Variants in KPNA7 observed in about 807,000 individuals in gnomAD.
KPNA7 encodes the protein importin subunit alpha-8.
A neutral mutation model predicts 53.7 loss-of-function variants in KPNA7; 54 were observed. The observed-to-expected ratio is 1.01, with a 90% confidence interval of 0.81 to 1.26. The LOEUF is 1.26. KPNA7 is among the 50% of genes most tolerant of loss of function. KPNA7 has a pLI of 0.00. For synonymous variants in KPNA7, 276 were observed against 259.3 expected, an observed-to-expected ratio of 1.06 and a Z score of -0.62; for missense variants, 640 against 644.5, an observed-to-expected ratio of 0.99 and a Z score of 0.07.
chr7:99,178,260 G>A (rs980140383), intron 9 of KPNA7, among the ~76,000 whole-genome samples, 194 bp from the exon 10 acceptor site: 3 of 152,054 alleles, frequency 2.0e-5, no homozygotes, highest in African/African-American at 7.2e-5. Flanking sequence ...AGGTATCCAC[G>A]ATATATAGAC....
chr7:99,215,557 C>T lies in KPNA7; in HGVS notation c.-23-8068G>A, dbSNP rs1294077941. On this transcript the variant is annotated intron_variant, in intron 1 of 10. Coordinates refer to the KPNA7 transcript ENST00000681060. ...GCAGATCACTTCGTGTAGGGACATTCTGCAAACCCAGCGGCAGAGCAGATC... is the reference window on the plus strand; with the variant it reads ...GCAGATCACTTCGTGTAGGGACATTTTGCAAACCCAGCGGCAGAGCAGATC... Among the ~76,000 whole-genome samples the T allele has an allele frequency of 3.3e-5, 5 of 149,314 alleles. No individual in the cohort carries two copies. The East Asian group carries it at 1.0e-3, about 30-fold the overall frequency.
At chr7:99,176,297 C>CAAAAA (rs1491289534) in intron 10 of KPNA7, among the ~76,000 whole-genome samples, 14 of 57,032 alleles carry the variant, frequency 2.5e-4, no homozygotes, top group African/African-American at 6.7e-4. Flanking sequence ...GACTACGTCT[C>CAAAAA]AAAAAAAAAA....
At chr7:99,186,633 C>T (rs140607666) in intron 7 of KPNA7, among the ~76,000 whole-genome samples, 29,121 of 151,904 alleles carry the variant, frequency 0.19, 2,912 homozygotes, top group South Asian at 0.33. Context: ...GTCCCAGCTA[C>T]TTGGGAGGCT....
At chr7:99,187,913 C>T (rs1385510892) in intron 7 of KPNA7, among the ~76,000 whole-genome samples, 1 of 149,408 alleles carries the variant, frequency 6.7e-6, no homozygotes, top group Admixed American at 6.8e-5. Flanking sequence ...CAGTGGCTCA[C>T]ACCTCTAATC....
In KPNA7 at chr7:99,183,586, G is replaced by C. The variant is rs549995869; in HGVS notation, c.1134+1343C>G. On this transcript the variant is annotated intron_variant, in intron 8 of 10. Transcript: ENST00000327442. ...ATGCTATAATTTGGGCAACACACCT[G>C]GTCTTTCTCTCTTGCCTAGCTTGTC... 2.6e-5 allele frequency among the ~76,000 whole-genome samples: 4 copies of C among 152,178 alleles called. No homozygotes were observed. The East Asian group carries it at 7.7e-4, about 29-fold the overall frequency.
At chr7:99,218,211 C>T (rs1046592033) in intron 1 of KPNA7, among the ~76,000 whole-genome samples, 2 of 152,122 alleles carry the variant, frequency 1.3e-5, no homozygotes, top group African/African-American at 4.8e-5. Context: ...ATGTTGCCTA[C>T]TCTGGTCTCA....
downstream of KPNA7, among the ~76,000 whole-genome samples, chr7:99,171,392 G>A (rs947695341): frequency 5.3e-5 from 8 of 151,728 alleles, no homozygotes; most frequent in Non-Finnish European, 1.0e-4. Context: ...CTTGATCCCA[G>A]GAATTCAAGG....
chr7:99,212,930 T>A (rs1410959900), upstream of KPNA7, among the ~76,000 whole-genome samples: 1 of 151,868 alleles, frequency 6.6e-6, no homozygotes, highest in Admixed American at 6.6e-5. Context: ...TTGCTATTGA[T>A]CACAGTATCC....
At chr7:99,162,772 T>C in the KPNA7 span, among the ~76,000 whole-genome samples, 1 of 152,122 alleles carries the variant, frequency 6.6e-6, no homozygotes, top group East Asian at 1.9e-4. Context: ...CAAAGACCTA[T>C]CTTTGTAAAC....
upstream of KPNA7, among the ~76,000 whole-genome samples, chr7:99,211,683 C>T (rs994170157): frequency 1.3e-5 from 2 of 152,162 alleles, no homozygotes; most frequent in Non-Finnish European, 2.9e-5. Flanking sequence ...ACAGGAGCTA[C>T]AGGAGAGCAT....
the KPNA7 span, among the ~76,000 whole-genome samples, chr7:99,158,109 T>C: frequency 6.6e-6 from 1 of 152,118 alleles, no homozygotes; most frequent in South Asian, 2.1e-4. Context: ...GGTCTGGTAC[T>C]CCTGGCCTCA....
intron 10 of KPNA7, among the ~76,000 whole-genome samples, chr7:99,176,258 A>G (rs1798896490): frequency 6.8e-6 from 1 of 146,954 alleles, no homozygotes. Flanking sequence ...AGATCGCGCC[A>G]CTGCACTCCA....
intron 1 of KPNA7, among the ~76,000 whole-genome samples, chr7:99,217,579 A>G (rs1312972494): frequency 6.8e-6 from 1 of 146,280 alleles, no homozygotes; most frequent in Non-Finnish European, 1.5e-5. Flanking sequence ...GAGGACAGCC[A>G]GGGAGGAGAA....
the KPNA7 span, among the ~76,000 whole-genome samples, chr7:99,163,383 A>ATTTTTTTTTTTTT: frequency 7.4e-5 from 3 of 40,804 alleles, no homozygotes; most frequent in African/African-American, 9.5e-5. Context: ...ATATATATAT[A>ATTTTTTTTTTTTT]TTTTTTTTTT....
intron 1 of KPNA7, among the ~76,000 whole-genome samples, chr7:99,213,176 G>T (rs2150788017): frequency 6.6e-6 from 1 of 150,986 alleles, no homozygotes; most frequent in Non-Finnish European, 1.5e-5. Context: ...TGCCAGGCTG[G>T]AGTGCAGTGG....
At chr7:99,149,824 A>C in the KPNA7 span, among the ~76,000 whole-genome samples, 1,746 of 152,198 alleles carry the variant, frequency 0.011, 37 homozygotes, top group African/African-American at 0.04. Context: ...TCTTGCTCTG[A>C]CACCCAGGCT....
intron 6 of KPNA7, 35 bp downstream of exon 6, chr7:99,192,984 T>TAAA: frequency 9.7e-6 from 11 of 1,128,226 alleles, no homozygotes; most frequent in African/African-American, 1.6e-5. Context: ...AATTTTAATT[T>TAAA]AAAAAAAAAA....
chr7:99,147,478 A>C, the KPNA7 span, among the ~76,000 whole-genome samples: 1 of 152,176 alleles, frequency 6.6e-6, no homozygotes, highest in African/African-American at 2.4e-5. Context: ...TACTCTATCC[A>C]TACAACTTAC....
chr7:99,168,828 G>A (rs962370769), downstream of KPNA7, among the ~76,000 whole-genome samples: 2 of 152,098 alleles, frequency 1.3e-5, no homozygotes, highest in Admixed American at 6.6e-5. Flanking sequence ...TGGAGGCACC[G>A]CCACCCACTT....
Sources: allele counts gnomAD v4.1 joint callset (sites outside exome capture counted in the v4.1 genomes callset), GRCh38; gene constraint gnomAD v4.1.1; transcripts MANE v1.5; gene names NCBI Gene and HGNC (gene_info 2026-07-23, HGNC 2026-07-21).